CTSB: variants seen among roughly 807,000 people sequenced by gnomAD.
CTSB encodes the protein APP secretase.
In CTSB, 57 loss-of-function variants were observed where a neutral mutation model predicts 44.3. The ratio of observed to expected loss-of-function variants is 1.29; its 90% CI spans 1.04 to 1.60. The LOEUF (loss-of-function observed/expected upper bound fraction) is 1.60. Among genes scored for constraint, CTSB ranks in the 40% most tolerant of loss-of-function variants. CTSB has a pLI of 0.00. For synonymous variants in CTSB, 320 were observed against 168.0 expected (o/e 1.91, Z -7.00); for missense variants, 768 against 443.0 (o/e 1.73, Z -6.59).
At chr8:11,848,555 A>C (rs1426528426) in intron 5 of CTSB, 1 of 347,038 alleles carries the variant, frequency 2.9e-6, no homozygotes, top group East Asian at 7.1e-5. Flanking sequence ...TTAGGGGAGA[A>C]GCCCATGCAT....
chr8:11,855,620 A>G (rs1203642161), intron 1 of CTSB, among the ~76,000 whole-genome samples: 1 of 152,244 alleles, frequency 6.6e-6, no homozygotes, highest in Non-Finnish European at 1.5e-5. Context: ...TGACGAAACA[A>G]AGCAGTACTC....
rs1192488084 is a variant in CTSB, at chr8:11,844,834, G to A, written c.*291C>T. On this transcript the variant is annotated 3_prime_UTR_variant, in exon 10 of 10. Coordinates refer to ENST00000353047, the MANE Select transcript of CTSB (RefSeq NM_001908.5). ...CTGTCTTGCTCCCTGGAGATGGATGGATCACGGAGGGGGCCACAGTCAGCT... is the reference window on the plus strand; with the variant it reads ...CTGTCTTGCTCCCTGGAGATGGATGAATCACGGAGGGGGCCACAGTCAGCT... 5.3e-6 allele frequency: 2 copies of A among 380,240 alleles called. No individual in the cohort carries two copies. The highest frequency in any genetic ancestry group is 9.7e-6 in the Non-Finnish European group (2 of 206,610). The allele number at this position is 380,240 out of a possible 1,614,324, so 23.6% of individuals were successfully genotyped here.
chr8:11,849,798 C>T (rs546612021), intron 4 of CTSB, among the ~76,000 whole-genome samples: 18 of 152,238 alleles, frequency 1.2e-4, no homozygotes, highest in African/African-American at 4.1e-4. Context: ...CCAGGTTGGT[C>T]TCAAACTCCT....
At chr8:11,860,064 T>G (rs1306062327) in intron 1 of CTSB, among the ~76,000 whole-genome samples, 2 of 151,852 alleles carry the variant, frequency 1.3e-5, no homozygotes, top group African/African-American at 2.4e-5. Flanking sequence ...AGAGCAACAC[T>G]CTGTCTCAGA....
At chr8:11,848,932 A>C in intron 5 of CTSB, 114 bp downstream of exon 5, 1 of 733,310 alleles carries the variant, frequency 1.4e-6, no homozygotes, top group Non-Finnish European at 2.3e-6. Context: ...AGTCTCCCCG[A>C]AACACTTCTG....
intron 5 of CTSB, 31 bp downstream of exon 5, chr8:11,849,015 A>T: frequency 6.4e-7 from 1 of 1,555,810 alleles, no homozygotes; most frequent in Non-Finnish European, 8.9e-7. Context: ...TCTCAGCACT[A>T]AACCCGCTGT....
Position 11,853,339 on chromosome 8 carries a change from G to C in CTSB, c.116C>G (p.Thr39Ser). 1.2e-6 allele frequency: 2 copies of C among 1,613,414 alleles called. No individual in the cohort carries two copies. Among genetic ancestry groups the C allele is most frequent in the Non-Finnish European group, 1.7e-6 (2 of 1,179,864 alleles). The change falls in exon 2 of 10, where the codon ACC becomes AGC. Residue 39 changes from threonine to serine, a missense_variant. Transcript: ENST00000353047. ...AGCCCCACAGCCTACCTGCCACGTG[G>C]TATTCCGTTTGTTGACATAGTTGAC... ...ELVNYVNKRN[T>S]TWQAGHNFYN...
intron 1 of CTSB, among the ~76,000 whole-genome samples, chr8:11,857,702 C>T (rs566188074): frequency 1.1e-3 from 161 of 152,248 alleles, no homozygotes; most frequent in African/African-American, 3.7e-3. Flanking sequence ...GACTTCCCTG[C>T]ACCCGCCCTC....
intron 1 of CTSB, among the ~76,000 whole-genome samples, chr8:11,860,940 A>G (rs1173325479): frequency 6.6e-6 from 1 of 152,206 alleles, no homozygotes; most frequent in East Asian, 1.9e-4. Context: ...GACACACCTC[A>G]ATGCTGGAGC....
intron 1 of CTSB, among the ~76,000 whole-genome samples, chr8:11,856,400 G>T (rs897702460): frequency 6.6e-6 from 1 of 152,196 alleles, no homozygotes; most frequent in Non-Finnish European, 1.5e-5. Flanking sequence ...GATCACCTGA[G>T]GTCAGGAGTT....
intron 5 of CTSB, 38 bp downstream of exon 5, chr8:11,849,008 C>G: frequency 6.6e-7 from 1 of 1,510,378 alleles, no homozygotes; most frequent in South Asian, 1.1e-5. Context: ...CAGGGTCTCT[C>G]AGCACTAAAC....
At position 11,853,757 on chromosome 8, in the gene CTSB, T is replaced by G. The variant is rs1243879294; in HGVS notation, c.-25-278A>C. Reference sequence around the variant, plus strand: ...CCGAGTCCAGGGCCTTCGCTGCTATTTTTAAACGGCCTTTGCATGGATTTG... The same window carrying G: ...CCGAGTCCAGGGCCTTCGCTGCTATGTTTAAACGGCCTTTGCATGGATTTG... On this transcript the variant is annotated intron_variant, in intron 1 of 9. Coordinates refer to ENST00000353047, the MANE Select transcript of CTSB (RefSeq NM_001908.5). The G allele has an allele frequency of 1.5e-5, 5 of 325,896 alleles. No individual in the cohort carries two copies. The Admixed American group carries it at 1.8e-4, about 12-fold the overall frequency. The allele number at this position is 325,896 out of a possible 1,614,324, so 20.2% of individuals were successfully genotyped here.
At chr8:11,858,747 TTCTC>T (rs1342156235) in intron 1 of CTSB, among the ~76,000 whole-genome samples, 3 of 152,132 alleles carry the variant, frequency 2.0e-5, no homozygotes, top group African/African-American at 7.2e-5. Context: ...ACAGGCGCCT[TTCTC>T]TCCACAACAA....
intron 8 of CTSB, 69 bp downstream of exon 8, chr8:11,846,983 G>C: frequency 1.2e-6 from 1 of 839,456 alleles, no homozygotes; most frequent in Non-Finnish European, 2.0e-6. Flanking sequence ...TGGTCAACAT[G>C]AACCATCCTG....
At chr8:11,849,200 G>T (rs377550061) in intron 4 of CTSB, 36 bp from the exon 5 acceptor site, 2 of 1,573,046 alleles carry the variant, frequency 1.3e-6, no homozygotes, top group Non-Finnish European at 8.7e-7. Flanking sequence ...AGGCTGCCAT[G>T]TCCGGGCTGG....
chr8:11,845,570 C>CTG (rs1217538345), intron 9 of CTSB, 91 bp downstream of exon 9: 2 of 1,486,140 alleles, frequency 1.3e-6, no homozygotes, highest in African/African-American at 1.4e-5. Context: ...GGGTTTAAGG[C>CTG]TGTGCGGTGG....
At chr8:11,865,985 C>T (rs934886963) in intron 1 of CTSB, among the ~76,000 whole-genome samples, 1 of 147,972 alleles carries the variant, frequency 6.8e-6, no homozygotes, top group African/African-American at 2.5e-5. Context: ...CACCACTGCA[C>T]TCCAGCCTGA....
intron 3 of CTSB, among the ~76,000 whole-genome samples, chr8:11,852,132 C>T (rs1008020309): frequency 2.0e-5 from 3 of 152,154 alleles, no homozygotes; most frequent in African/African-American, 7.2e-5. Flanking sequence ...CTCTGGGATG[C>T]CGAGTTGGGC....
At chr8:11,845,335 C>G (rs546242510) in intron 9 of CTSB, 113 bp from the exon 10 acceptor site, 1 of 799,552 alleles carries the variant, frequency 1.3e-6, no homozygotes, top group South Asian at 1.6e-5. Context: ...TGCTGTTGGC[C>G]CACTAGCACA....
Sources: allele counts gnomAD v4.1 joint callset (sites outside exome capture counted in the v4.1 genomes callset), GRCh38; gene constraint gnomAD v4.1.1; transcripts MANE v1.5; gene names NCBI Gene and HGNC (gene_info 2026-07-23, HGNC 2026-07-21).